Variants in LRRK2 observed in about 807,000 individuals in gnomAD.
LRRK2 encodes the protein leucine rich repeat kinase 2.
A neutral mutation model predicts 302.6 loss-of-function variants in LRRK2; 203 were observed. The ratio of observed to expected loss-of-function variants is 0.67; its 90% CI spans 0.60 to 0.75. The LOEUF (loss-of-function observed/expected upper bound fraction) is 0.75. Ranked by LOEUF, LRRK2 falls within the 30% of genes least tolerant of loss-of-function variation. The pLI, the probability that LRRK2 is intolerant of heterozygous loss-of-function variation, is 0.00. For synonymous variants in LRRK2, 1,066 were observed against 1,031.9 expected (o/e 1.03, Z -0.63); for missense variants, 2,830 against 2,951.0 (o/e 0.96, Z 0.95).
chr12:40,247,523 TACAAATGTATATAAATATAC>T (rs1942043203), intron 7 of LRRK2, among the ~76,000 whole-genome samples: 1 of 12,348 alleles, frequency 8.1e-5, no homozygotes, highest in Non-Finnish European at 1.4e-4. Context: ...TAAATATACA[TACAAATGTATATAAATATAC>T]ATATTTATAC....
chr12:40,296,607 G>A (rs536953449), intron 23 of LRRK2, among the ~76,000 whole-genome samples: 6 of 152,000 alleles, frequency 3.9e-5, no homozygotes, highest in Admixed American at 3.3e-4. Context: ...ACTCTAGCCT[G>A]GGCAACAGAG....
chr12:40,279,476 ATAAT>A (rs1943597006), intron 18 of LRRK2, among the ~76,000 whole-genome samples: 1 of 152,188 alleles, frequency 6.6e-6, no homozygotes, highest in South Asian at 2.1e-4. Flanking sequence ...TTTACTAAAG[ATAAT>A]TAAATTTTTC....
chr12:40,273,411 TAGA>T (rs574891676), intron 14 of LRRK2, among the ~76,000 whole-genome samples: 172 of 152,280 alleles, frequency 1.1e-3, no homozygotes, highest in African/African-American at 4.0e-3. Flanking sequence ...AAGTGTGAAG[TAGA>T]AGGACACAGG....
rs200512439 is a variant in LRRK2 at position 40,315,209 on chromosome 12, C to G, written c.4739-3C>G. ...TTCACTGTTTGATGACTTTTTACTA[C>G]AGGAGTCCTTCTTCATTTTCAAGAC... On this transcript the variant is annotated splice_polypyrimidine_tract_variant and splice_region_variant and intron_variant, in intron 32 of 50. Coordinates refer to ENST00000298910, the MANE Select transcript of LRRK2 (RefSeq NM_198578.4). 2.5e-6 allele frequency: 4 copies of G among 1,609,748 alleles called. No homozygotes were observed. The South Asian group carries it at 4.4e-5, about 18-fold the overall frequency.
chr12:40,259,811 A>T (rs1942689538), intron 13 of LRRK2, among the ~76,000 whole-genome samples: 1 of 152,198 alleles, frequency 6.6e-6, no homozygotes, highest in South Asian at 2.1e-4. Flanking sequence ...GAATTCAGTA[A>T]TTTATTTATA....
rs144027504 is a variant in LRRK2 at position 40,364,980 on chromosome 12, A to G, written c.7320A>G (p.Ser2440=). 6.6e-5 allele frequency: 106 copies of G among 1,612,772 alleles called. 1 individual carries two copies. In the African/African-American group the frequency reaches 1.2e-3, roughly 18 times the overall value. ...GGGHILLLDL[S]TRRLIRVIYN... is the part of the protein sequence containing the mutation. Reference sequence around the variant, plus strand: ...GCCATATTTTACTCCTGGATCTTTCAACTCGTCGACTTATACGTGTAATTT... The same window carrying G: ...GCCATATTTTACTCCTGGATCTTTCGACTCGTCGACTTATACGTGTAATTT... Residue 2440 remains serine, a synonymous_variant, in exon 49 of 51, where the codon TCA becomes TCG. Transcript: ENST00000298910.
chr12:40,273,938 G>T (rs961161738), intron 14 of LRRK2, among the ~76,000 whole-genome samples: 2 of 152,128 alleles, frequency 1.3e-5, no homozygotes, highest in African/African-American at 4.8e-5. Flanking sequence ...TCAGATTAAA[G>T]AGGTTGGATG....
In LRRK2 at chr12:40,322,184, A is replaced by G; in HGVS notation, c.5317+3A>G. 1 of 1,609,868 alleles carries G rather than the reference A, an allele frequency of 6.2e-7. No homozygotes were observed. The highest frequency in any genetic ancestry group is 8.5e-7 in the Non-Finnish European group (1 of 1,177,496). ...TACAGTTCCTTCTTGTAGAAAAGGT[A>G]AGGAAATCAATTTGAATGTTTTCAA... On this transcript the variant is annotated splice_donor_region_variant and intron_variant, in intron 36 of 50. Coordinates refer to ENST00000298910, the MANE Select transcript of LRRK2 (RefSeq NM_198578.4).
At chr12:40,244,725 G>A (rs1375072541) in intron 7 of LRRK2, among the ~76,000 whole-genome samples, 2 of 120,370 alleles carry the variant, frequency 1.7e-5, no homozygotes, top group African/African-American at 3.2e-5. Flanking sequence ...ACACTCTGGG[G>A]ACTGTTGTGG....
At chr12:40,364,780 T>A (rs1946825881) in intron 48 of LRRK2, 62 bp from the exon 49 acceptor site, 1 of 1,213,174 alleles carries the variant, frequency 8.2e-7, no homozygotes, top group Non-Finnish European at 1.2e-6. Context: ...TGTTATCATA[T>A]GTAAATAGCA....
chr12:40,346,696 T>C, intron 41 of LRRK2, 57 bp from the exon 42 acceptor site: 1 of 1,532,076 alleles, frequency 6.5e-7, no homozygotes. Flanking sequence ...GTATGCCTCC[T>C]TGGATGTATG....
chr12:40,303,969 C>T lies in LRRK2; in HGVS notation c.3612C>T (p.Ser1204=), dbSNP rs1435947184. ...TTAGCTTGCGGTCTTTAGATATGAG[C>T]AGCAATGATATTCAGTACCTACCAG... is the stretch of plus-strand genomic sequence containing the variant. ...NLPHLRSLDM[S]SNDIQYLPGP... Residue 1204 remains serine (S), a synonymous_variant, in exon 27 of 51, where the codon AGC becomes AGT. Transcript: ENST00000298910. 1 of 1,613,672 alleles carries T rather than the reference C, an allele frequency of 6.2e-7. No homozygotes were observed. The highest frequency in any genetic ancestry group is 2.2e-5 in the East Asian group (1 of 44,842).
chr12:40,299,201 A>G lies in LRRK2; in HGVS notation c.3440A>G (p.Asn1147Ser). 6.2e-7 allele frequency: 1 copy of G among 1,613,606 alleles called. No homozygotes were observed. The highest frequency in any genetic ancestry group is 8.5e-7 in the Non-Finnish European group (1 of 1,179,812). Reference sequence around the variant, plus strand: ...AACCACATTTCATCCCTATCAGAGAACTTTCTTGAGGCTTGTCCTAAAGTG... The same window carrying G: ...AACCACATTTCATCCCTATCAGAGAGCTTTCTTGAGGCTTGTCCTAAAGTG... ...SKNHISSLSE[N>S]FLEACPKVES... Residue 1147 changes from asparagine (N) to serine (S), a missense_variant, in exon 25 of 51, where the codon AAC becomes AGC. Coordinates refer to ENST00000298910, the MANE Select transcript of LRRK2 (RefSeq NM_198578.4).
intron 28 of LRRK2, among the ~76,000 whole-genome samples, chr12:40,306,380 A>G (rs1944824583): frequency 6.6e-6 from 1 of 152,184 alleles, no homozygotes; most frequent in Admixed American, 6.5e-5. Flanking sequence ...TACTGACATC[A>G]TGTGAAATTA....
rs200063668 is a variant in LRRK2, at chr12:40,295,548, A to C, written c.3000A>C (p.Leu1000=). The change falls in exon 23 of 51, where the codon CTA becomes CTC. Residue 1000 remains leucine (L), a synonymous_variant. Transcript: ENST00000298910. ...SANELRDIDA[L]SQKCCISVHL... is the part of the protein sequence containing the mutation. ...ATGAACTAAGAGATATTGATGCCCTAAGCCAGAAATGCTGTATAAGTGTTC... is the reference window on the plus strand; with the variant it reads ...ATGAACTAAGAGATATTGATGCCCTCAGCCAGAAATGCTGTATAAGTGTTC... 3.1e-6 allele frequency: 5 copies of C among 1,613,906 alleles called. No homozygotes were observed. The highest frequency in any genetic ancestry group is 4.2e-6 in the Non-Finnish European group (5 of 1,180,012).
chr12:40,307,242 C>T (rs997779481), intron 28 of LRRK2, among the ~76,000 whole-genome samples: 2 of 151,854 alleles, frequency 1.3e-5, no homozygotes, highest in Non-Finnish European at 2.9e-5. Flanking sequence ...GTCATATCAT[C>T]AGGAATGTTG....
chr12:40,342,996 T>G (rs1308984612), intron 41 of LRRK2, among the ~76,000 whole-genome samples: 1 of 152,116 alleles, frequency 6.6e-6, no homozygotes. Context: ...TTATTTCTAG[T>G]CTATAGATAC....
intron 14 of LRRK2, among the ~76,000 whole-genome samples, chr12:40,270,971 G>C (rs963210845): frequency 5.3e-5 from 8 of 151,874 alleles, no homozygotes; most frequent in African/African-American, 1.9e-4. Flanking sequence ...ATGGAGACAG[G>C]GTCTCACTAT....
rs773862659 is a variant in LRRK2, at chr12:40,293,621, A to G, written c.2766A>G (p.Leu922=). 1.2e-6 allele frequency: 2 copies of G among 1,611,804 alleles called. No homozygotes were observed. The highest frequency in any genetic ancestry group is 3.3e-5 in the Admixed American group (2 of 59,840). The stretch of plus-strand genomic sequence containing the variant: ...GAGAATTTTACCGAGATGCCGTATT[A>G]CAGCGTTGCTCACCAAATTTGCAAA... ...SVGEFYRDAV[L]QRCSPNLQRH... The change falls in exon 21 of 51, where the codon TTA becomes TTG. Residue 922 remains leucine (L), a synonymous_variant. Transcript: ENST00000298910.
Sources: allele counts gnomAD v4.1 joint callset (sites outside exome capture counted in the v4.1 genomes callset), GRCh38; gene constraint gnomAD v4.1.1; transcripts MANE v1.5; gene names NCBI Gene and HGNC (gene_info 2026-07-23, HGNC 2026-07-21).